Variants in FBXL13 observed in about 807,000 individuals in gnomAD.
FBXL13 encodes F-box and leucine-rich repeat protein 13.
In FBXL13, 67 loss-of-function variants were observed where a neutral mutation model predicts 83.6. That is an observed-to-expected ratio of 0.80 (90% CI 0.66 to 0.98). FBXL13 has a LOEUF of 0.98. FBXL13 is among the 50% of genes least tolerant of loss of function. FBXL13 has a pLI of 0.00. For missense variants in FBXL13, 822 were observed against 866.5 expected, an observed-to-expected ratio of 0.95 and a Z score of 0.64; for synonymous variants, 272 against 299.5, an observed-to-expected ratio of 0.91 and a Z score of 0.95.
chr7:102,862,894 TC>T (rs2129453339), intron 16 of FBXL13, among the ~76,000 whole-genome samples: 1 of 152,326 alleles, frequency 6.6e-6, no homozygotes, highest in African/African-American at 2.4e-5. Context: ...ATACTGATGT[TC>T]CCTGGAGCTT....
At chr7:103,023,360 A>G (rs969302648) in intron 6 of FBXL13, among the ~76,000 whole-genome samples, 4 of 152,236 alleles carry the variant, frequency 2.6e-5, no homozygotes, top group African/African-American at 9.6e-5. Flanking sequence ...ACTTCTTAGA[A>G]GACATACAGG....
At chr7:102,884,475 T>A (rs1189430915) in intron 11 of FBXL13, among the ~76,000 whole-genome samples, 163 bp from the exon 13 acceptor site, 1 of 152,212 alleles carries the variant, frequency 6.6e-6, no homozygotes, top group Non-Finnish European at 1.5e-5. Context: ...GATTTCTTTT[T>A]TTTATTTAAT....
chr7:103,069,153 C>T (rs527314810), intron 1 of FBXL13, among the ~76,000 whole-genome samples: 5 of 151,990 alleles, frequency 3.3e-5, no homozygotes, highest in African/African-American at 9.6e-5. Context: ...TCTGCCCTGC[C>T]GCCCCACTGT....
intron 1 of FBXL13, among the ~76,000 whole-genome samples, chr7:103,072,269 T>A (rs954467178): frequency 2.0e-5 from 3 of 152,050 alleles, no homozygotes; most frequent in Admixed American, 2.0e-4. Flanking sequence ...ATGGAATTCA[T>A]CTTGATATTC....
At chr7:102,817,369 C>A (rs898773656) in intron 19 of FBXL13, among the ~76,000 whole-genome samples, 1 of 152,138 alleles carries the variant, frequency 6.6e-6, no homozygotes, top group Non-Finnish European at 1.5e-5. Context: ...TGATGTTGAG[C>A]ATTTTTTCAT....
At chr7:103,011,394 G>A (rs1049074442) in intron 6 of FBXL13, among the ~76,000 whole-genome samples, 1 of 152,150 alleles carries the variant, frequency 6.6e-6, no homozygotes, top group Middle Eastern at 3.2e-3. Flanking sequence ...CAGCACTTTA[G>A]GAGGCCGAGG....
intron 2 of FBXL13, chr7:103,031,020 C>G (rs1794460050): frequency 6.6e-6 from 1 of 152,010 alleles, no homozygotes; most frequent in Non-Finnish European, 1.5e-5. Context: ...CACAATTTTT[C>G]ATTATTATTA....
At chr7:102,853,603 A>G (rs1040414360) in intron 17 of FBXL13, among the ~76,000 whole-genome samples, 58 of 152,242 alleles carry the variant, frequency 3.8e-4, no homozygotes, top group African/African-American at 1.3e-3. Context: ...ATGGGAGAAA[A>G]TTTTTGCAAC....
chr7:102,927,798 T>C (rs1283954152), intron 9 of FBXL13, among the ~76,000 whole-genome samples: 7 of 152,236 alleles, frequency 4.6e-5, no homozygotes, highest in Admixed American at 4.6e-4. Flanking sequence ...TATGGATAGA[T>C]AAAATGTGTA....
intron 16 of FBXL13, among the ~76,000 whole-genome samples, chr7:102,870,891 G>C (rs1458241406): frequency 6.6e-6 from 1 of 152,070 alleles, no homozygotes; most frequent in Non-Finnish European, 1.5e-5. Flanking sequence ...ATTCTAGCTT[G>C]GGGGACAGAG....
intron 6 of FBXL13, among the ~76,000 whole-genome samples, chr7:102,976,401 C>T (rs569980547): frequency 1.3e-5 from 2 of 152,308 alleles, no homozygotes; most frequent in Admixed American, 6.5e-5. Context: ...TTTTCCTTCA[C>T]TCACTCTTTC....
intron 8 of FBXL13, among the ~76,000 whole-genome samples, chr7:102,940,857 A>G (rs1176777781): frequency 1.3e-5 from 2 of 152,258 alleles, no homozygotes; most frequent in South Asian, 2.1e-4. Context: ...GGCTACTTCA[A>G]TTTGAAAAGT....
chr7:102,896,610 T>TTCCCTC (rs1812281431), intron 11 of FBXL13, among the ~76,000 whole-genome samples: 2 of 152,318 alleles, frequency 1.3e-5, no homozygotes, highest in South Asian at 4.1e-4. Flanking sequence ...GCAAAGTTGG[T>TTCCCTC]TCCCTCTGAG....
At chr7:102,921,612 G>A (rs752512692) in intron 10 of FBXL13, among the ~76,000 whole-genome samples, 5 of 151,828 alleles carry the variant, frequency 3.3e-5, no homozygotes, top group South Asian at 2.1e-4. Context: ...CCCAGGAGGC[G>A]GAGGCTATGG....
chr7:102,951,555 C>T (rs1823406879), intron 8 of FBXL13, among the ~76,000 whole-genome samples: 1 of 151,734 alleles, frequency 6.6e-6, no homozygotes. Context: ...CACCTGTAAT[C>T]CTAGCATTTT....
intron 14 of FBXL13, among the ~76,000 whole-genome samples, chr7:102,880,679 C>T (rs1205709156): frequency 6.6e-6 from 1 of 152,128 alleles, no homozygotes; most frequent in Non-Finnish European, 1.5e-5. Flanking sequence ...CTCATGGTGA[C>T]TTATATCTTT....
chr7:102,813,665 T>G, intron 19 of FBXL13, 134 bp from the exon 21 acceptor site: 1 of 855,612 alleles, frequency 1.2e-6, no homozygotes, highest in Non-Finnish European at 1.8e-6. Context: ...CTTGCCTTGC[T>G]GAGAGTGAGG....
chr7:102,891,497 G>A (rs1420519797), intron 11 of FBXL13, among the ~76,000 whole-genome samples: 1 of 152,214 alleles, frequency 6.6e-6, no homozygotes, highest in African/African-American at 2.4e-5. Context: ...ATCGTTTACA[G>A]TACAGCACAG....
chr7:103,074,521 G>A, exon 1 of FBXL13: 1 of 1,204,794 alleles, frequency 8.3e-7, no homozygotes, highest in Non-Finnish European at 1.1e-6. Context: ...AGCGTCTTCA[G>A]CCCTGATCGC....
Sources: allele counts gnomAD v4.1 joint callset (sites outside exome capture counted in the v4.1 genomes callset), GRCh38; gene constraint gnomAD v4.1.1; transcripts MANE v1.5; gene names NCBI Gene and HGNC (gene_info 2026-07-23, HGNC 2026-07-21).